Variants in DMRT1 observed in about 807,000 individuals in gnomAD.
The protein encoded by DMRT1 is doublesex- and mab-3-related transcription factor 1.
A neutral mutation model predicts 32.3 loss-of-function variants in DMRT1; 7 were observed. The observed-to-expected ratio is 0.22, with a 90% confidence interval of 0.12 to 0.41. The LOEUF is 0.41. DMRT1 is among the 10% of genes least tolerant of loss of function. DMRT1 has a pLI of 1.00. For synonymous variants in DMRT1, 278 were observed against 206.1 expected, an observed-to-expected ratio of 1.35 and a Z score of -2.99; for missense variants, 625 against 500.5, an observed-to-expected ratio of 1.25 and a Z score of -2.37.
chr9:864,006 C>T (rs554329710), intron 2 of DMRT1, among the ~76,000 whole-genome samples: 6 of 152,070 alleles, frequency 3.9e-5, no homozygotes, highest in East Asian at 1.9e-4. Flanking sequence ...ATGAGACTGG[C>T]GGGGGACAGA....
chr9:914,694 G>A (rs908186646), intron 3 of DMRT1, among the ~76,000 whole-genome samples: 11 of 152,080 alleles, frequency 7.2e-5, no homozygotes, highest in Admixed American at 2.0e-4. Flanking sequence ...GGATAAAGGG[G>A]ACTTACCCAG....
chr9:891,637 C>A (rs1247197306), intron 2 of DMRT1, among the ~76,000 whole-genome samples: 2 of 151,652 alleles, frequency 1.3e-5, no homozygotes, highest in Non-Finnish European at 2.9e-5. Flanking sequence ...GCCTCAGCCT[C>A]CCAAGTAGCT....
intron 4 of DMRT1, among the ~76,000 whole-genome samples, chr9:929,554 G>A (rs1191890652): frequency 1.3e-5 from 2 of 151,728 alleles, no homozygotes; most frequent in African/African-American, 2.4e-5. Context: ...CCTTCTGCTT[G>A]GGTGATACAT....
chr9:914,991 C>T (rs534049064), intron 3 of DMRT1, among the ~76,000 whole-genome samples: 8 of 152,186 alleles, frequency 5.3e-5, no homozygotes, highest in Middle Eastern at 3.2e-3. Flanking sequence ...TTTTACACTA[C>T]CAGGCTCTGT....
intron 2 of DMRT1, among the ~76,000 whole-genome samples, chr9:865,507 C>A (rs1007507495): frequency 5.3e-5 from 8 of 151,912 alleles, no homozygotes; most frequent in Non-Finnish European, 2.9e-5. Flanking sequence ...CCTTTGTACA[C>A]TGTGATGAAG....
chr9:887,476 G>A (rs985722841), intron 2 of DMRT1, among the ~76,000 whole-genome samples: 1 of 152,132 alleles, frequency 6.6e-6, no homozygotes, highest in African/African-American at 2.4e-5. Flanking sequence ...TGTTGGCCTG[G>A]CATTCACATT....
chr9:958,207 A>G (rs1038243091), intron 4 of DMRT1, among the ~76,000 whole-genome samples: 2 of 152,164 alleles, frequency 1.3e-5, no homozygotes, highest in Non-Finnish European at 2.9e-5. Flanking sequence ...CCCAGTAGTA[A>G]AGAGAAAATA....
chr9:958,109 A>C (rs1319320701), intron 4 of DMRT1, among the ~76,000 whole-genome samples: 1 of 152,222 alleles, frequency 6.6e-6, no homozygotes, highest in Non-Finnish European at 1.5e-5. Context: ...TTGGCATAGT[A>C]TGATAAGCCA....
intron 4 of DMRT1, among the ~76,000 whole-genome samples, chr9:926,935 A>C (rs1194545844): frequency 1.3e-5 from 2 of 152,118 alleles, no homozygotes; most frequent in African/African-American, 4.8e-5. Flanking sequence ...TCTGTTACTC[A>C]TTTAGAGACC....
chr9:899,438 AGTCTCCTAGCTCG>A (rs1160521655), intron 3 of DMRT1, among the ~76,000 whole-genome samples: 1 of 152,196 alleles, frequency 6.6e-6, no homozygotes, highest in Non-Finnish European at 1.5e-5. Flanking sequence ...AAAATAGAGC[AGTCTCCTAGCTCG>A]GCATTCCAGA....
chr9:882,695 C>T (rs901175344), intron 2 of DMRT1, among the ~76,000 whole-genome samples: 5 of 151,820 alleles, frequency 3.3e-5, no homozygotes, highest in South Asian at 2.1e-4. Flanking sequence ...TGTATTTTCC[C>T]GTCATCTTCC....
chr9:888,966 A>T (rs1817038487), intron 2 of DMRT1, among the ~76,000 whole-genome samples: 2 of 136,594 alleles, frequency 1.5e-5, no homozygotes, highest in African/African-American at 6.2e-5. Flanking sequence ...ATCTGTATTA[A>T]AAAAAAAAAA....
At chr9:888,674 A>G (rs1817027043) in intron 2 of DMRT1, among the ~76,000 whole-genome samples, 1 of 150,664 alleles carries the variant, frequency 6.6e-6, no homozygotes, top group Admixed American at 6.6e-5. Context: ...GGTATCTCAT[A>G]TTTTTAGGAA....
At chr9:910,443 A>C (rs986690281) in intron 3 of DMRT1, among the ~76,000 whole-genome samples, 2 of 152,084 alleles carry the variant, frequency 1.3e-5, no homozygotes, top group Non-Finnish European at 1.5e-5. Flanking sequence ...ATTCACCTGG[A>C]TAGACTGTTC....
At chr9:963,274 C>T (rs1819832397) in intron 4 of DMRT1, among the ~76,000 whole-genome samples, 2 of 152,094 alleles carry the variant, frequency 1.3e-5, no homozygotes, top group Non-Finnish European at 2.9e-5. Context: ...CAGAGCTAGC[C>T]CCCTTCAAAA....
At chr9:877,151 G>A (rs1011763166) in intron 2 of DMRT1, among the ~76,000 whole-genome samples, 1 of 152,224 alleles carries the variant, frequency 6.6e-6, no homozygotes, top group Admixed American at 6.5e-5. Flanking sequence ...CACCTTCCCT[G>A]ACTTTGGTAA....
intron 2 of DMRT1, among the ~76,000 whole-genome samples, chr9:863,132 G>A (rs1258577794): frequency 8.0e-6 from 1 of 125,706 alleles, no homozygotes; most frequent in Non-Finnish European, 1.6e-5. Context: ...CTGGGCAACA[G>A]CGAGATCAGG....
At chr9:844,752 G>C (rs1163435398) in intron 1 of DMRT1, among the ~76,000 whole-genome samples, 11 of 131,314 alleles carry the variant, frequency 8.4e-5, no homozygotes, top group African/African-American at 3.2e-4. Flanking sequence ...CAGGAGTCTC[G>C]CTCTGTCCCC....
At chr9:891,146 C>T (rs997438789) in intron 2 of DMRT1, among the ~76,000 whole-genome samples, 9 of 150,246 alleles carry the variant, frequency 6.0e-5, no homozygotes, top group Non-Finnish European at 1.3e-4. Flanking sequence ...TTGAGACCAG[C>T]CTGGGCAACA....
Sources: gnomAD v4.1 joint callset for allele counts (sites outside exome capture counted in the v4.1 genomes callset) on GRCh38, gnomAD v4.1.1 for gene constraint, MANE v1.5 for transcripts, NCBI Gene and HGNC (gene_info 2026-07-23, HGNC 2026-07-21) for gene names.